Variants in KCNMA1 observed in about 807,000 individuals in gnomAD.
KCNMA1 encodes the protein potassium calcium-activated channel subfamily M alpha 1.
A neutral mutation model predicts 140.0 loss-of-function variants in KCNMA1; 29 were observed. The observed-to-expected ratio is 0.21, with a 90% CI of 0.15 to 0.28. The LOEUF is 0.28. KCNMA1 is among the 10% of genes least tolerant of loss of function. The pLI is 1.00. For missense variants in KCNMA1, 880 were observed against 1,602.2 expected (o/e 0.55, Z 7.70); for synonymous variants, 612 against 611.9 (o/e 1.00, Z 0.00).
rs149217836 is a variant in KCNMA1, at chr10:77,444,816, A to T, written c.379-40793T>A. Among the ~76,000 whole-genome samples, 10 of 152,270 alleles carry T rather than the reference A, an allele frequency of 6.6e-5. No homozygotes were observed. In the East Asian group the frequency reaches 1.5e-3, roughly 24 times the overall value. ...GTGGATTCCCCCACCGAGCAAGAGG[A>T]AAAACACACCCAAGAGTTACCGAGT... On this transcript the variant is annotated intron_variant, in intron 1 of 27. Transcript: ENST00000286628.
chr10:76,916,889 T>C (rs1022606586), intron 23 of KCNMA1, among the ~76,000 whole-genome samples: 4 of 152,236 alleles, frequency 2.6e-5, no homozygotes, highest in Non-Finnish European at 5.9e-5. Context: ...TTCTTATCAC[T>C]GAGTGCCATA....
chr10:77,252,320 G>A (rs959610461), intron 2 of KCNMA1, among the ~76,000 whole-genome samples: 4 of 152,192 alleles, frequency 2.6e-5, no homozygotes, highest in African/African-American at 7.2e-5. Flanking sequence ...AATTAAGCCT[G>A]AGAATAAAAA....
At chr10:76,945,870 C>G (rs948693388) in intron 22 of KCNMA1, among the ~76,000 whole-genome samples, 4 of 151,510 alleles carry the variant, frequency 2.6e-5, no homozygotes, top group African/African-American at 7.3e-5. Flanking sequence ...GGAAGGAAAG[C>G]ACAGGAAAAA....
At position 77,079,471 on chromosome 10, in the gene KCNMA1, G is replaced by C. The variant is rs200770082; in HGVS notation, c.1593+10C>G. 2.5e-6 allele frequency: 4 copies of C among 1,594,498 alleles called. No individual in the cohort carries two copies. The African/African-American group carries it at 4.0e-5, about 16-fold the overall frequency. ...GTCTTCAGACCTGGAGCGGGCTCTC[G>C]CACTCCTACCTTGTTGTGATACTGC... On this transcript the variant is annotated intron_variant, in intron 13 of 27. Coordinates refer to ENST00000286628, the MANE Select transcript of KCNMA1 (RefSeq NM_001161352.2).
At chr10:77,269,852 A>T (rs1460253489) in intron 2 of KCNMA1, among the ~76,000 whole-genome samples, 1 of 152,144 alleles carries the variant, frequency 6.6e-6, no homozygotes, top group African/African-American at 2.4e-5. Flanking sequence ...TCCCCTATAC[A>T]AACCCACACC....
intron 19 of KCNMA1, among the ~76,000 whole-genome samples, chr10:76,991,943 T>TGCCA (rs1465161050): frequency 3.9e-5 from 6 of 152,222 alleles, no homozygotes; most frequent in Admixed American, 3.3e-4. Flanking sequence ...GCTGGTGCAG[T>TGCCA]GCCAGCTCTA....
intron 2 of KCNMA1, among the ~76,000 whole-genome samples, chr10:77,322,344 TACTCTACTTAGAA>T (rs1364518957): frequency 6.6e-6 from 1 of 152,248 alleles, no homozygotes; most frequent in East Asian, 1.9e-4. Context: ...ATGATGTTGT[TACTCTACTTAGAA>T]ACTCTTGGAT....
chr10:77,370,480 C>T (rs779315135), intron 2 of KCNMA1, among the ~76,000 whole-genome samples: 3 of 152,180 alleles, frequency 2.0e-5, no homozygotes, highest in Non-Finnish European at 4.4e-5. Flanking sequence ...ACACCCCTGC[C>T]GCTGCCTGTT....
At chr10:77,385,962 G>A (rs2095587307) in intron 2 of KCNMA1, among the ~76,000 whole-genome samples, 1 of 152,170 alleles carries the variant, frequency 6.6e-6, no homozygotes. Flanking sequence ...GCTTAAGCCA[G>A]GACAATGGAA....
chr10:77,135,259 T>G (rs940534255), intron 5 of KCNMA1, among the ~76,000 whole-genome samples: 12 of 152,112 alleles, frequency 7.9e-5, no homozygotes, highest in African/African-American at 2.7e-4. Flanking sequence ...ACATCACTAT[T>G]TATCAGGGAA....
chr10:77,090,812 G>A (rs1488965361), intron 9 of KCNMA1: 1 of 467,792 alleles, frequency 2.1e-6, no homozygotes, highest in African/African-American at 2.0e-5. Context: ...GTGACATTAT[G>A]CTTGTGCTTA....
intron 1 of KCNMA1, among the ~76,000 whole-genome samples, chr10:77,518,895 G>T (rs1050140465): frequency 6.6e-6 from 1 of 152,168 alleles, no homozygotes; most frequent in Non-Finnish European, 1.5e-5. Flanking sequence ...ATGAATGCAC[G>T]CTTGGAGAAG....
At chr10:77,441,644 G>T (rs2097402107) in intron 1 of KCNMA1, among the ~76,000 whole-genome samples, 1 of 152,032 alleles carries the variant, frequency 6.6e-6, no homozygotes, top group African/African-American at 2.4e-5. Context: ...ACACTGAGAA[G>T]AAATGAAGCA....
intron 5 of KCNMA1, among the ~76,000 whole-genome samples, chr10:77,129,698 G>GA (rs140895891): frequency 2.0e-5 from 3 of 151,484 alleles, no homozygotes; most frequent in African/African-American, 4.8e-5. Context: ...CAATAAATAT[G>GA]AAAAAAAATT....
At chr10:77,307,629 C>G (rs1167245088) in intron 2 of KCNMA1, among the ~76,000 whole-genome samples, 1 of 152,198 alleles carries the variant, frequency 6.6e-6, no homozygotes, top group Admixed American at 6.5e-5. Context: ...TCACTGCAAG[C>G]TCCACCTCCC....
intron 19 of KCNMA1, among the ~76,000 whole-genome samples, chr10:76,978,960 TA>T (rs2078549048): frequency 6.6e-6 from 1 of 152,352 alleles, no homozygotes. Flanking sequence ...TTTATTTTGA[TA>T]GTTTGAAAAT....
intron 25 of KCNMA1, among the ~76,000 whole-genome samples, chr10:76,895,595 T>G (rs2151987128): frequency 6.6e-6 from 1 of 152,266 alleles, no homozygotes; most frequent in South Asian, 2.1e-4. Flanking sequence ...GCAATGAGTA[T>G]TATTTGGCCG....
intron 1 of KCNMA1, among the ~76,000 whole-genome samples, chr10:77,476,805 T>A (rs2098289443): frequency 6.6e-6 from 1 of 152,232 alleles, no homozygotes; most frequent in African/African-American, 2.4e-5. Context: ...TCCTTGTTTC[T>A]TCCATGAATG....
chr10:77,114,342 C>T (rs1456483462), intron 6 of KCNMA1, among the ~76,000 whole-genome samples: 1 of 152,142 alleles, frequency 6.6e-6, no homozygotes, highest in African/African-American at 2.4e-5. Flanking sequence ...TGGTATCTGC[C>T]CCTGCTCTCT....
Sources: gnomAD v4.1 joint callset for allele counts (sites outside exome capture counted in the v4.1 genomes callset) on GRCh38, gnomAD v4.1.1 for gene constraint, MANE v1.5 for transcripts, NCBI Gene and HGNC (gene_info 2026-07-23, HGNC 2026-07-21) for gene names.